DLGAP2: variants seen among roughly 807,000 people sequenced by gnomAD.
DLGAP2 encodes the protein DLG associated protein 2.
A neutral mutation model predicts 100.3 loss-of-function variants in DLGAP2; 26 were observed. The observed-to-expected ratio is 0.26, with a 90% CI of 0.19 to 0.36. The LOEUF (loss-of-function observed/expected upper bound fraction) is 0.36, where lower values mean the gene tolerates loss of function less well. Ranked by LOEUF, DLGAP2 falls within the 10% of genes least tolerant of loss-of-function variation. The pLI is 1.00. For missense variants in DLGAP2, 1,858 were observed against 1,453.2 expected (o/e 1.28, Z -4.53); for synonymous variants, 886 against 630.1 (o/e 1.41, Z -6.08).
chr8:982,800 GGTCCGTTTATACT>G lies in DLGAP2; in HGVS notation c.73+74836_73+74848del, dbSNP rs550231464. Among the ~76,000 whole-genome samples the G allele has an allele frequency of 3.2e-3, 479 of 151,030 alleles. 3 individuals are homozygous for G. The highest frequency in any genetic ancestry group is 0.011 in the African/African-American group (453 of 41,072). ...GTATGGAGCTTTCTAGTCCACAGTT[GGTCCGTTTATACT>G]GCCTGGTAGTTTAGTATTTGTGTTC... On this transcript the variant is annotated intron_variant, in intron 2 of 14. Coordinates refer to ENST00000637795, the MANE Select transcript of DLGAP2 (RefSeq NM_001346810.2).
intron 1 of DLGAP2, among the ~76,000 whole-genome samples, chr8:870,966 G>T (rs936824237): frequency 2.6e-5 from 4 of 152,178 alleles, no homozygotes; most frequent in African/African-American, 9.7e-5. Context: ...TGTGGTAGAC[G>T]TATCTGGCAC....
intron 2 of DLGAP2, among the ~76,000 whole-genome samples, chr8:1,155,974 T>C (rs1796776499): frequency 6.6e-6 from 1 of 152,170 alleles, no homozygotes; most frequent in Non-Finnish European, 1.5e-5. Flanking sequence ...GCGCTGCCCC[T>C]GACGGAGTCC....
intron 1 of DLGAP2, among the ~76,000 whole-genome samples, chr8:857,099 G>C (rs1411172525): frequency 6.6e-6 from 1 of 152,174 alleles, no homozygotes; most frequent in African/African-American, 2.4e-5. Context: ...TGATGAAGGA[G>C]GAAAGGCCAT....
chr8:1,172,567 G>C (rs1215826005), intron 2 of DLGAP2, among the ~76,000 whole-genome samples: 2 of 152,112 alleles, frequency 1.3e-5, no homozygotes, highest in African/African-American at 4.8e-5. Flanking sequence ...ATATTTCTTG[G>C]AGGCTTTGTT....
chr8:1,145,268 C>G (rs1376603860), intron 2 of DLGAP2, among the ~76,000 whole-genome samples: 2 of 152,116 alleles, frequency 1.3e-5, no homozygotes, highest in Admixed American at 6.6e-5. Context: ...AAACACAACT[C>G]CCACCCACCC....
At chr8:1,000,918 C>T (rs559255175) in intron 2 of DLGAP2, among the ~76,000 whole-genome samples, 6 of 152,212 alleles carry the variant, frequency 3.9e-5, no homozygotes, top group South Asian at 2.1e-4. Flanking sequence ...ATGCGGCCTC[C>T]GAGAGTGCCT....
At chr8:823,466 A>G (rs1181523898) in intron 1 of DLGAP2, among the ~76,000 whole-genome samples, 1 of 152,122 alleles carries the variant, frequency 6.6e-6, no homozygotes, top group Non-Finnish European at 1.5e-5. Flanking sequence ...AGGGTGCTTA[A>G]TTGCAAAGAA....
At chr8:1,087,377 A>G (rs1339629324) in intron 2 of DLGAP2, among the ~76,000 whole-genome samples, 1 of 152,110 alleles carries the variant, frequency 6.6e-6, no homozygotes, top group Non-Finnish European at 1.5e-5. Context: ...TTGCCTCTCC[A>G]GTTCAGAGTG....
At chr8:1,290,603 C>A (rs1297636110) in intron 3 of DLGAP2, among the ~76,000 whole-genome samples, 1 of 152,210 alleles carries the variant, frequency 6.6e-6, no homozygotes. Context: ...ACAGCGGAGA[C>A]ACCAGAAAGA....
chr8:1,545,571 C>T (rs1490600539), intron 4 of DLGAP2, among the ~76,000 whole-genome samples: 1 of 152,206 alleles, frequency 6.6e-6, no homozygotes, highest in African/African-American at 2.4e-5. Context: ...AAATTACCAG[C>T]CCCTAAGTAT....
intron 1 of DLGAP2, among the ~76,000 whole-genome samples, chr8:847,363 T>C (rs1797089936): frequency 1.3e-5 from 2 of 152,318 alleles, no homozygotes; most frequent in African/African-American, 4.8e-5. Flanking sequence ...TTATTTTTAA[T>C]TTTTGACTAA....
At chr8:1,622,932 C>A (rs1797384262) in intron 6 of DLGAP2, among the ~76,000 whole-genome samples, 1 of 152,156 alleles carries the variant, frequency 6.6e-6, no homozygotes, top group Non-Finnish European at 1.5e-5. Flanking sequence ...CACCCTGTGT[C>A]ACCTGGCGGG....
At chr8:1,081,998 C>T (rs144523467) in intron 2 of DLGAP2, among the ~76,000 whole-genome samples, 36 of 152,224 alleles carry the variant, frequency 2.4e-4, no homozygotes, top group African/African-American at 7.9e-4. Flanking sequence ...AAGAAGACAG[C>T]GAAACTGTCT....
chr8:942,453 C>CAAAA (rs1227893065), intron 2 of DLGAP2, among the ~76,000 whole-genome samples: 1 of 152,192 alleles, frequency 6.6e-6, no homozygotes, highest in Non-Finnish European at 1.5e-5. Flanking sequence ...TGTACTTTTC[C>CAAAA]CACTCACATC....
At chr8:1,451,768 A>T (rs963534861) in intron 3 of DLGAP2, among the ~76,000 whole-genome samples, 2 of 152,086 alleles carry the variant, frequency 1.3e-5, no homozygotes, top group African/African-American at 4.8e-5. Flanking sequence ...AACGACTCCC[A>T]CATCTTCCTG....
chr8:1,378,467 G>A (rs992565512), intron 3 of DLGAP2, among the ~76,000 whole-genome samples: 6 of 129,290 alleles, frequency 4.6e-5, no homozygotes, highest in East Asian at 2.4e-4. Context: ...ACCTGACTTC[G>A]CCTGTCCATC....
intron 4 of DLGAP2, among the ~76,000 whole-genome samples, chr8:1,523,956 C>A (rs965317834): frequency 3.3e-4 from 51 of 152,318 alleles, no homozygotes; most frequent in African/African-American, 1.0e-3. Context: ...AAACAAACAT[C>A]TGAGGTCCAG....
intron 7 of DLGAP2, among the ~76,000 whole-genome samples, chr8:1,627,988 G>C (rs990762911): frequency 1.5e-5 from 2 of 137,234 alleles, no homozygotes; most frequent in Non-Finnish European, 3.1e-5. Context: ...CTGTGGAGCA[G>C]GGATTAAGAG....
chr8:1,353,082 G>A (rs1023621946), intron 3 of DLGAP2, among the ~76,000 whole-genome samples: 4 of 152,162 alleles, frequency 2.6e-5, no homozygotes, highest in African/African-American at 2.4e-5. Context: ...AAGAAACGAC[G>A]AAGGACCCCC....
Sources: allele counts gnomAD v4.1 joint callset (sites outside exome capture counted in the v4.1 genomes callset), GRCh38; gene constraint gnomAD v4.1.1; transcripts MANE v1.5; gene names NCBI Gene and HGNC (gene_info 2026-07-23, HGNC 2026-07-21).